BCAS3: variants seen among roughly 807,000 people sequenced by gnomAD.
BCAS3 encodes BCAS3 microtubule associated cell migration factor.
Under a neutral mutation model 116.1 loss-of-function variants are expected in BCAS3, and 53 were observed. That is an observed-to-expected ratio of 0.46 (90% CI 0.37 to 0.57). BCAS3 has a LOEUF of 0.57. BCAS3 is among the 20% of genes least tolerant of loss of function. The pLI is 0.00. For missense variants in BCAS3, 917 were observed against 1,165.4 expected (o/e 0.79, Z 3.10); for synonymous variants, 391 against 408.2 (o/e 0.96, Z 0.51).
intron 7 of BCAS3, among the ~76,000 whole-genome samples, chr17:60,862,431 T>A (rs1461718562): frequency 1.3e-5 from 2 of 152,170 alleles, no homozygotes; most frequent in Admixed American, 6.5e-5. Context: ...GTGAATTCAT[T>A]TGGTCCAGGG....
At chr17:60,716,306 G>A (rs1330822710) in intron 5 of BCAS3, among the ~76,000 whole-genome samples, 5 of 152,084 alleles carry the variant, frequency 3.3e-5, no homozygotes, top group African/African-American at 1.2e-4. Flanking sequence ...TACAACTTAA[G>A]TTGTAATATG....
chr17:61,151,373 C>CT lies in BCAS3; in HGVS notation c.2425+66810dup, dbSNP rs2077530783. Among the ~76,000 whole-genome samples the CT allele has an allele frequency of 2.0e-5, 3 of 151,562 alleles. No homozygotes were observed. Among genetic ancestry groups the CT allele is most frequent in the Non-Finnish European group, 4.4e-5 (3 of 67,978 alleles). ...GATAATCAACCTATACCACTACCTC[C>CT]TCCTCCTGTTTTTTCCTACTTTTTT... On this transcript the variant is annotated intron_variant, in intron 22 of 23. Transcript: ENST00000407086. This position sits in a 1 kb window ranked among gnomAD's most constrained non-coding sequence, Gnocchi z 4.8.
chr17:60,881,686 C>T (rs1322144063), intron 9 of BCAS3, among the ~76,000 whole-genome samples: 7 of 147,636 alleles, frequency 4.7e-5, no homozygotes, highest in South Asian at 4.3e-4. Context: ...TGAGAATATG[C>T]GGTGTTTGGT....
chr17:61,021,411 A>G lies in BCAS3; in HGVS notation c.1637+5510A>G, dbSNP rs1469814819. 6.6e-6 allele frequency among the ~76,000 whole-genome samples: 1 copy of G among 152,116 alleles called. No individual in the cohort carries two copies. Among genetic ancestry groups the G allele is most frequent in the Non-Finnish European group, 1.5e-5 (1 of 68,010 alleles). ...TTAGGTGGTTATTAGGAAGCTTCAGATGCACCCTGTAGAAGTAGGTTAAGT... is the reference window on the plus strand; with the variant it reads ...TTAGGTGGTTATTAGGAAGCTTCAGGTGCACCCTGTAGAAGTAGGTTAAGT... On this transcript the variant is annotated intron_variant, in intron 16 of 23. Coordinates refer to ENST00000407086, the MANE Select transcript of BCAS3 (RefSeq NM_017679.5). This position sits in a 1 kb window ranked among gnomAD's most constrained non-coding sequence, Gnocchi z 4.6.
chr17:60,980,035 C>T (rs1200615247), intron 14 of BCAS3, among the ~76,000 whole-genome samples: 2 of 152,078 alleles, frequency 1.3e-5, no homozygotes, highest in Non-Finnish European at 2.9e-5. Flanking sequence ...AGGATTCCCT[C>T]TTTTTCTATT....
intron 22 of BCAS3, among the ~76,000 whole-genome samples, chr17:61,350,414 C>CAATAAATAAATAAATA (rs55888678): frequency 4.3e-4 from 59 of 136,760 alleles, no homozygotes; most frequent in Non-Finnish European, 6.7e-4. Flanking sequence ...GACTCTGTCT[C>CAATAAATAAATAAATA]AATAAATAAA....
chr17:61,286,070 G>A lies in BCAS3; in HGVS notation c.2426-82257G>A, dbSNP rs1014794413. ...GAAACATTTCATAAAGGAAACAACTGGTGGGAAGTTTTTTCCAGAGAGTTC... is the reference window on the plus strand; with the variant it reads ...GAAACATTTCATAAAGGAAACAACTAGTGGGAAGTTTTTTCCAGAGAGTTC... On this transcript the variant is annotated intron_variant, in intron 22 of 23. Coordinates refer to ENST00000407086, the MANE Select transcript of BCAS3 (RefSeq NM_017679.5). This position sits in a 1 kb window ranked among gnomAD's most constrained non-coding sequence, Gnocchi z 4.8. 6.6e-6 allele frequency among the ~76,000 whole-genome samples: 1 copy of A among 152,192 alleles called. No individual in the cohort carries two copies. The highest frequency in any genetic ancestry group is 6.5e-5 in the Admixed American group (1 of 15,274).
intron 6 of BCAS3, among the ~76,000 whole-genome samples, chr17:60,756,415 A>AC (rs1180422479): frequency 1.3e-5 from 2 of 150,052 alleles, no homozygotes; most frequent in South Asian, 2.1e-4. Context: ...CTCTTTATCC[A>AC]CCCCCCTTCC....
At chr17:61,092,899 CTTT>C (rs959718467) in intron 22 of BCAS3, among the ~76,000 whole-genome samples, 19 of 79,546 alleles carry the variant, frequency 2.4e-4, no homozygotes, top group African/African-American at 8.1e-4. Flanking sequence ...TTTGTCCAGT[CTTT>C]TTTTTTTTTT....
chr17:60,976,334 T>C (rs2062366761), intron 14 of BCAS3, among the ~76,000 whole-genome samples: 1 of 151,038 alleles, frequency 6.6e-6, no homozygotes, highest in Non-Finnish European at 1.5e-5. Flanking sequence ...TATAGGTTTT[T>C]GTATGAACGT....
Position 61,248,270 on chromosome 17 carries a change from C to T in BCAS3, c.2426-120057C>T, listed in dbSNP as rs959260979. Among the ~76,000 whole-genome samples, 3 of 152,200 alleles carry T rather than the reference C, an allele frequency of 2.0e-5. No individual in the cohort carries two copies. The South Asian group carries it at 6.2e-4, about 32-fold the overall frequency. ...GGAGCACATAAAGGCCTGATTTTTT[C>T]TTCTGAGTTGGATTGGATGGTTTAA... On this transcript the variant is annotated intron_variant, in intron 22 of 23. Coordinates refer to ENST00000407086, the MANE Select transcript of BCAS3 (RefSeq NM_017679.5). This position sits in a 1 kb window ranked among gnomAD's most constrained non-coding sequence, Gnocchi z 4.3.
chr17:60,894,921 A>T (rs1262793874), intron 10 of BCAS3, among the ~76,000 whole-genome samples: 1 of 151,894 alleles, frequency 6.6e-6, no homozygotes, highest in East Asian at 1.9e-4. Context: ...ATCCCCCTTG[A>T]TTGTGGTCTA....
At position 61,276,419 on chromosome 17, in the gene BCAS3, A is replaced by C. The variant is rs2050761775; in HGVS notation, c.2426-91908A>C. Among the ~76,000 whole-genome samples, 1 of 152,228 alleles carries C rather than the reference A, an allele frequency of 6.6e-6. No homozygotes were observed. The highest frequency in any genetic ancestry group is 2.4e-5 in the African/African-American group (1 of 41,468). Reference sequence around the variant, plus strand: ...ATACAGTAGCAATGAGCAAACCGCAAATAAAATTAGGAAAGCTATTTCATT... The same window carrying C: ...ATACAGTAGCAATGAGCAAACCGCACATAAAATTAGGAAAGCTATTTCATT... On this transcript the variant is annotated intron_variant, in intron 22 of 23. Coordinates refer to ENST00000407086, the MANE Select transcript of BCAS3 (RefSeq NM_017679.5). This position sits in a 1 kb window ranked among gnomAD's most constrained non-coding sequence, Gnocchi z 4.2.
rs996982596 is a variant in BCAS3 at position 61,047,940 on chromosome 17, T to C, written c.2029+7048T>C. ...TTGGACTTCTTTCTAAATCAGGCTGTGATGTGTGAAAAGTTCCTCTGTAAA... is the reference window on the plus strand; with the variant it reads ...TTGGACTTCTTTCTAAATCAGGCTGCGATGTGTGAAAAGTTCCTCTGTAAA... On this transcript the variant is annotated intron_variant, in intron 19 of 23. Coordinates refer to ENST00000407086, the MANE Select transcript of BCAS3 (RefSeq NM_017679.5). 8.6e-5 allele frequency among the ~76,000 whole-genome samples: 13 copies of C among 152,002 alleles called. 1 individual carries two copies. The highest frequency in any genetic ancestry group is 6.6e-5 in the Admixed American group (1 of 15,244).
chr17:60,949,088 G>A (rs1163887373), intron 14 of BCAS3, among the ~76,000 whole-genome samples: 1 of 151,916 alleles, frequency 6.6e-6, no homozygotes, highest in Non-Finnish European at 1.5e-5. Flanking sequence ...TGTTGGCCAG[G>A]CTGGTCTTGA....
intron 5 of BCAS3, among the ~76,000 whole-genome samples, chr17:60,722,477 AG>A (rs888077676): frequency 5.9e-5 from 9 of 152,078 alleles, no homozygotes; most frequent in Non-Finnish European, 1.0e-4. Context: ...AATGCTTTTT[AG>A]GGGGCTGGGT....
Position 61,188,687 on chromosome 17 carries a change from G to T in BCAS3, c.2425+104123G>T, listed in dbSNP as rs78156806. ...GGTCCTTCAGGCAACTGCTCAGAGT[G>T]CTGTGTCGAGCTTAATGGGTATAAA... On this transcript the variant is annotated intron_variant, in intron 22 of 23. Transcript: ENST00000407086. This position sits in a 1 kb window ranked among gnomAD's most constrained non-coding sequence, Gnocchi z 4.0. 0.017 allele frequency among the ~76,000 whole-genome samples: 2,543 copies of T among 152,318 alleles called. 35 individuals are homozygous for T. Among genetic ancestry groups the T allele is most frequent in the South Asian group, 0.034 (166 of 4,826 alleles).
intron 23 of BCAS3, among the ~76,000 whole-genome samples, chr17:61,373,999 A>G (rs2059201372): frequency 6.7e-6 from 1 of 150,024 alleles, no homozygotes. Context: ...TATTTTTAGT[A>G]GAGACGGAGT....
chr17:61,091,727 T>A (rs1263736609), intron 22 of BCAS3, among the ~76,000 whole-genome samples: 1 of 152,206 alleles, frequency 6.6e-6, no homozygotes, highest in African/African-American at 2.4e-5. Flanking sequence ...TGAAAATAGT[T>A]GTTCCAGAGA....
Sources: allele counts gnomAD v4.1 joint callset (sites outside exome capture counted in the v4.1 genomes callset), GRCh38; gene constraint gnomAD v4.1.1; non-coding constraint Gnocchi (gnomAD v3.1); transcripts MANE v1.5; gene names NCBI Gene and HGNC (gene_info 2026-07-23, HGNC 2026-07-21).